The following POLR3C variants were observed in gnomAD, a reference collection of about 807,000 sequenced individuals.
POLR3C encodes RNA polymerase III subunit C.
POLR3C carries 44 observed loss-of-function variants against 65.9 expected under a neutral mutation model. The observed-to-expected ratio is 0.67, with a 90% CI of 0.52 to 0.86. POLR3C has a LOEUF of 0.86. POLR3C is among the 40% of genes least tolerant of loss of function. POLR3C has a pLI of 0.00. For missense variants in POLR3C, 576 were observed against 653.2 expected (o/e 0.88, Z 1.29); for synonymous variants, 263 against 231.6 (o/e 1.14, Z -1.23).
intron 1 of POLR3C, among the ~76,000 whole-genome samples, chr1:145,825,204 C>T (rs907883533): frequency 4.6e-5 from 7 of 151,878 alleles, no homozygotes; most frequent in African/African-American, 1.5e-4. Flanking sequence ...TGCCTCCCGG[C>T]TTCAAGCGAT....
At position 145,842,789 on chromosome 1, in the gene POLR3C, T is replaced by C. The variant is rs1250617263; in HGVS notation, c.*369T>C. On this transcript the variant is annotated 3_prime_UTR_variant, in exon 15 of 15. Coordinates refer to ENST00000334163, the MANE Select transcript of POLR3C (RefSeq NM_006468.8). ...ATGCCTGTTCTTTATTTTGTTGAGATAGGTGATAGATAGATAGATAGATAG... is the reference window on the plus strand; with the variant it reads ...ATGCCTGTTCTTTATTTTGTTGAGACAGGTGATAGATAGATAGATAGATAG... 1.1e-5 allele frequency among the ~76,000 whole-genome samples: 1 copy of C among 92,920 alleles called. No homozygotes were observed. The highest frequency in any genetic ancestry group is 2.3e-5 in the Non-Finnish European group (1 of 43,694). The allele number at this position is 92,920 out of a possible 152,430, so 61.0% of individuals were successfully genotyped here.
Position 145,836,702 on chromosome 1 carries a change from C to T in POLR3C, c.958-113C>T, listed in dbSNP as rs1187488560. 5.3e-6 allele frequency: 5 copies of T among 942,614 alleles called. No homozygotes were observed. The African/African-American group carries it at 8.1e-5, about 15-fold the overall frequency. 58.4% of individuals were successfully genotyped at this position (942,614 alleles called of 1,614,324 possible). On this transcript the variant is annotated intron_variant, in intron 8 of 14. Coordinates refer to ENST00000334163, the MANE Select transcript of POLR3C (RefSeq NM_006468.8). ...ACCTAGCCAGCCCAGACAATTTCTC[C>T]ACATCATTTGATAGGAGGGCTACCT...
rs373509216 is a variant in POLR3C, at chr1:145,826,841, C to T, written c.425C>T (p.Ala142Val). Residue 142 changes from alanine to valine, a missense_variant, in exon 4 of 15, where the codon GCT (alanine) becomes GTT (valine). By Grantham distance (64) the Ala-to-Val change is moderately conservative. Transcript: ENST00000334163. ...TMEDGKTMDY[A>V]EVSNTFVRLA... is the part of the protein sequence containing the mutation. ...ACAGATGGCAAGACCATGGACTATGCTGAAGTATCAAACACATTTGTGCGA... is the reference window on the plus strand; with the variant it reads ...ACAGATGGCAAGACCATGGACTATGTTGAAGTATCAAACACATTTGTGCGA... 28 of 1,611,168 alleles carry T rather than the reference C, an allele frequency of 1.7e-5. No individual in the cohort carries two copies. Among genetic ancestry groups the T allele is most frequent in the Non-Finnish European group, 2.3e-5 (27 of 1,178,402 alleles).
intron 6 of POLR3C, 35 bp downstream of exon 6, chr1:145,833,399 G>A: frequency 6.5e-7 from 1 of 1,531,828 alleles, no homozygotes; most frequent in Non-Finnish European, 9.0e-7. Context: ...TGGTCATCAG[G>A]GACATTTACT....
chr1:145,825,400 C>T (rs1032545028), intron 1 of POLR3C, among the ~76,000 whole-genome samples: 1 of 152,102 alleles, frequency 6.6e-6, no homozygotes, highest in African/African-American at 2.4e-5. Context: ...CCTGAGCCAC[C>T]GCGCCAGCCT....
intron 9 of POLR3C, 129 bp from the exon 10 acceptor site, chr1:145,837,407 C>A: frequency 1.8e-6 from 1 of 546,478 alleles, no homozygotes; most frequent in South Asian, 3.0e-5. Context: ...TGACTGAAAC[C>A]ATAAATTATA....
rs1027542185 is a variant in POLR3C at position 145,842,990 on chromosome 1, A to G, written c.*570A>G. ...ACACATACCCAGCTATTTTTTATTT[A>G]TTTATTTATTTTTTTGTAGAGACAG... On this transcript the variant is annotated 3_prime_UTR_variant, in exon 15 of 15. Coordinates refer to ENST00000334163, the MANE Select transcript of POLR3C (RefSeq NM_006468.8). Among the ~76,000 whole-genome samples, 8 of 151,720 alleles carry G rather than the reference A, an allele frequency of 5.3e-5. No individual in the cohort carries two copies. The highest frequency in any genetic ancestry group is 1.9e-4 in the African/African-American group (8 of 41,336).
intron 12 of POLR3C, 51 bp downstream of exon 12, chr1:145,840,042 C>A (rs782003110): frequency 1.3e-6 from 2 of 1,484,394 alleles, no homozygotes; most frequent in East Asian, 4.5e-5. Flanking sequence ...TCAAGTACCC[C>A]TCATGTGCCC....
At chr1:145,828,441 A>G (rs1553726356) in intron 4 of POLR3C, among the ~76,000 whole-genome samples, 1 of 152,178 alleles carries the variant, frequency 6.6e-6, no homozygotes, top group East Asian at 1.9e-4. Context: ...AATGAAAGAG[A>G]GAGGGTGAAG....
At chr1:145,829,911 C>T (rs1379936650) in intron 5 of POLR3C, among the ~76,000 whole-genome samples, 3 of 152,206 alleles carry the variant, frequency 2.0e-5, no homozygotes, top group Admixed American at 2.0e-4. Context: ...ATTTCATATA[C>T]TTCACAGCAT....
chr1:145,827,577 G>A (rs943310712), intron 4 of POLR3C, among the ~76,000 whole-genome samples: 8 of 151,774 alleles, frequency 5.3e-5, no homozygotes, highest in African/African-American at 1.2e-4. Flanking sequence ...GGCTAATACC[G>A]GGAAACCCCG....
rs1553729287 is a variant in POLR3C, at chr1:145,838,077, A to G, written c.1092A>G (p.Arg364=). The G allele has an allele frequency of 1.2e-6, 2 of 1,614,182 alleles. No homozygotes were observed. The highest frequency in any genetic ancestry group is 3.3e-5 in the Admixed American group (2 of 60,028). Residue 364 remains arginine (R), a synonymous_variant, in exon 11 of 15, where the codon AGA becomes AGG. Coordinates refer to ENST00000334163, the MANE Select transcript of POLR3C (RefSeq NM_006468.8). ...CCAGATTTGGGTCTCGCTGTGCTAG[A>G]ATATTCCGTCTAGTTTTGCAGAAGA... ...VQERFGSRCA[R]IFRLVLQKKH... is the part of the protein sequence containing the mutation.
At chr1:145,827,258 G>A (rs1447598195) in intron 4 of POLR3C, among the ~76,000 whole-genome samples, 10 of 152,144 alleles carry the variant, frequency 6.6e-5, no homozygotes, top group Non-Finnish European at 1.0e-4. Flanking sequence ...TGAAGGAACT[G>A]TCATAGTATT....
intron 9 of POLR3C, among the ~76,000 whole-genome samples, chr1:145,837,212 TG>T (rs1482906767): frequency 6.6e-6 from 1 of 151,960 alleles, no homozygotes; most frequent in Non-Finnish European, 1.5e-5. Context: ...GAGGCTGAGG[TG>T]GGAGGATCGC....
intron 8 of POLR3C, 108 bp from the exon 9 acceptor site, chr1:145,836,707 C>A: frequency 1.1e-6 from 1 of 939,120 alleles, no homozygotes; most frequent in Non-Finnish European, 1.8e-6. Context: ...TTCTCCACAT[C>A]ATTTGATAGG....
At chr1:145,837,380 G>A (rs1321196251) in intron 9 of POLR3C, among the ~76,000 whole-genome samples, 156 bp from the exon 10 acceptor site, 1 of 152,040 alleles carries the variant, frequency 6.6e-6, no homozygotes, top group Middle Eastern at 3.2e-3. Flanking sequence ...TTAAAGTTTT[G>A]GAATATTTAT....
At chr1:145,828,436 AAGAG>A (rs1345420814) in intron 4 of POLR3C, among the ~76,000 whole-genome samples, 3 of 152,196 alleles carry the variant, frequency 2.0e-5, no homozygotes, top group Non-Finnish European at 4.4e-5. Flanking sequence ...TGGAAAATGA[AAGAG>A]AGAGGGTGAA....
rs1189907042 is a variant in POLR3C at position 145,843,883 on chromosome 1, T to C, written c.*1463T>C. Reference sequence around the variant, plus strand: ...GCCAAAAGATCTTAATAGGTAGTTTTCGAAAGAAGATACACAAATGGCCGA... The same window carrying C: ...GCCAAAAGATCTTAATAGGTAGTTTCCGAAAGAAGATACACAAATGGCCGA... On this transcript the variant is annotated 3_prime_UTR_variant, in exon 15 of 15. Transcript: ENST00000334163. Among the ~76,000 whole-genome samples, 2 of 152,178 alleles carry C rather than the reference T, an allele frequency of 1.3e-5. No individual in the cohort carries two copies. Among genetic ancestry groups the C allele is most frequent in the Non-Finnish European group, 2.9e-5 (2 of 68,040 alleles).
intron 7 of POLR3C, among the ~76,000 whole-genome samples, chr1:145,834,124 G>GT (rs1553727927): frequency 6.6e-6 from 1 of 152,146 alleles, no homozygotes; most frequent in Non-Finnish European, 1.5e-5. Context: ...CTGTAAACCT[G>GT]TACAGCATGT....
Sources: allele counts gnomAD v4.1 joint callset (sites outside exome capture counted in the v4.1 genomes callset), GRCh38; gene constraint gnomAD v4.1.1; transcripts MANE v1.5; gene names NCBI Gene and HGNC (gene_info 2026-07-23, HGNC 2026-07-21).